The following DSCAML1 variants were observed in gnomAD, a reference collection of about 807,000 sequenced individuals.
The protein encoded by DSCAML1 is cell adhesion molecule DSCAML1.
A neutral mutation model predicts 200.5 loss-of-function variants in DSCAML1; 38 were observed. The observed-to-expected ratio is 0.19, with a 90% CI of 0.15 to 0.25. The LOEUF (loss-of-function observed/expected upper bound fraction) is 0.25, where lower values mean the gene tolerates loss of function less well. Among genes scored for constraint, DSCAML1 ranks in the 10% least tolerant of loss-of-function variants. DSCAML1 has a pLI of 1.00. For synonymous variants in DSCAML1, 1,215 were observed against 1,165.0 expected (o/e 1.04, Z -0.87); for missense variants, 2,223 against 2,858.8 (o/e 0.78, Z 5.07).
chr11:117,686,237 C>T (rs1473905937), intron 3 of DSCAML1, among the ~76,000 whole-genome samples: 1 of 152,210 alleles, frequency 6.6e-6, no homozygotes, highest in Non-Finnish European at 1.5e-5. Context: ...AGTTTAGTAA[C>T]TCCAGGGTGT....
chr11:117,714,536 G>T (rs111699592), intron 3 of DSCAML1, among the ~76,000 whole-genome samples: 1 of 152,088 alleles, frequency 6.6e-6, no homozygotes, highest in East Asian at 1.9e-4. Context: ...GTTTCCGCTG[G>T]CTGGTGCAGT....
chr11:117,618,123 T>C (rs1278874957), intron 3 of DSCAML1, among the ~76,000 whole-genome samples: 2 of 152,234 alleles, frequency 1.3e-5, no homozygotes, highest in South Asian at 2.1e-4. Context: ...TCAGAGTTAC[T>C]TGAATGAAAT....
At chr11:117,651,890 C>T (rs1018233940) in intron 3 of DSCAML1, among the ~76,000 whole-genome samples, 4 of 152,138 alleles carry the variant, frequency 2.6e-5, no homozygotes, top group African/African-American at 9.7e-5. Context: ...AGGGAAACAG[C>T]GGGGATGACA....
At chr11:117,441,999 G>A (rs544201786) in intron 21 of DSCAML1, among the ~76,000 whole-genome samples, 1 of 149,818 alleles carries the variant, frequency 6.7e-6, no homozygotes, top group African/African-American at 2.5e-5. Flanking sequence ...TGTATGTGTG[G>A]GTGTGTATGT....
intron 3 of DSCAML1, among the ~76,000 whole-genome samples, chr11:117,715,888 G>A (rs868127900): frequency 4.6e-5 from 7 of 152,184 alleles, no homozygotes; most frequent in African/African-American, 1.7e-4. Context: ...TCCGTCCTCA[G>A]ATACCAATTC....
chr11:117,720,897 C>T (rs958733112), intron 3 of DSCAML1, among the ~76,000 whole-genome samples: 3 of 152,228 alleles, frequency 2.0e-5, no homozygotes, highest in Non-Finnish European at 2.9e-5. Context: ...CCTGAGGTTA[C>T]GCTGAGTCCT....
intron 8 of DSCAML1, among the ~76,000 whole-genome samples, chr11:117,512,940 T>C (rs1285437270): frequency 6.6e-6 from 1 of 152,012 alleles, no homozygotes; most frequent in African/African-American, 2.4e-5. Flanking sequence ...ACTCCCTGAA[T>C]GGGGCTGAAT....
chr11:117,560,177 A>T (rs1341314043), intron 3 of DSCAML1, among the ~76,000 whole-genome samples: 5 of 152,098 alleles, frequency 3.3e-5, no homozygotes, highest in Non-Finnish European at 7.4e-5. Flanking sequence ...TTTATTAGTG[A>T]TGGTGATGAT....
intron 15 of DSCAML1, among the ~76,000 whole-genome samples, chr11:117,471,211 G>A (rs2048678903): frequency 6.7e-6 from 1 of 149,318 alleles, no homozygotes. Flanking sequence ...TTCCTCTGTC[G>A]CCCAGGCTGG....
chr11:117,515,251 C>T (rs1263806027), intron 8 of DSCAML1, among the ~76,000 whole-genome samples: 1 of 152,218 alleles, frequency 6.6e-6, no homozygotes, highest in East Asian at 1.9e-4. Context: ...TCAGCCATCA[C>T]AGCCGTGGCT....
At chr11:117,467,025 A>G (rs935721096) in intron 16 of DSCAML1, among the ~76,000 whole-genome samples, 4 of 152,166 alleles carry the variant, frequency 2.6e-5, no homozygotes, top group Non-Finnish European at 5.9e-5. Flanking sequence ...AGAGATGGCA[A>G]GGACTTGGAG....
chr11:117,777,535 G>A (rs1406945098), intron 2 of DSCAML1, among the ~76,000 whole-genome samples: 4 of 152,190 alleles, frequency 2.6e-5, no homozygotes, highest in Non-Finnish European at 5.9e-5. Flanking sequence ...AAGGACAAAG[G>A]GAGAGAATGT....
At chr11:117,609,035 C>A (rs11216469) in intron 3 of DSCAML1, among the ~76,000 whole-genome samples, 38,435 of 108,948 alleles carry the variant, frequency 0.35, 5,670 homozygotes, top group East Asian at 0.46. Flanking sequence ...AACAAACAAA[C>A]AAAAAAAACA....
intron 3 of DSCAML1, among the ~76,000 whole-genome samples, chr11:117,593,861 G>A (rs903695963): frequency 2.7e-4 from 41 of 151,972 alleles, no homozygotes; most frequent in African/African-American, 8.4e-4. Context: ...ACAGGCGCCC[G>A]CCACCACACC....
intron 1 of DSCAML1, among the ~76,000 whole-genome samples, chr11:117,792,950 C>G (rs2055499946): frequency 6.6e-6 from 1 of 152,192 alleles, no homozygotes; most frequent in Admixed American, 6.5e-5. Context: ...GAAGCCAGTG[C>G]TGAGCACTGG....
chr11:117,687,811 T>C (rs1751515973), intron 3 of DSCAML1, among the ~76,000 whole-genome samples: 1 of 152,194 alleles, frequency 6.6e-6, no homozygotes, highest in South Asian at 2.1e-4. Flanking sequence ...GCTTAATAGA[T>C]GGCACATGTC....
intron 19 of DSCAML1, among the ~76,000 whole-genome samples, chr11:117,453,746 C>CTTTTTTTT (rs138176049): frequency 3.6e-5 from 5 of 138,166 alleles, no homozygotes; most frequent in Admixed American, 1.5e-4. Context: ...TTCTTTCTTT[C>CTTTTTTTT]TTTTTTTTTT....
At chr11:117,465,740 TATTG>T (rs2137162125) in intron 16 of DSCAML1, among the ~76,000 whole-genome samples, 1 of 125,864 alleles carries the variant, frequency 7.9e-6, no homozygotes, top group African/African-American at 3.1e-5. Context: ...CCTCAATACA[TATTG>T]AATGAATGAA....
chr11:117,620,975 A>G (rs1463111177), intron 3 of DSCAML1, among the ~76,000 whole-genome samples: 2 of 152,250 alleles, frequency 1.3e-5, no homozygotes, highest in Non-Finnish European at 2.9e-5. Context: ...TTAATACACG[A>G]CAGTTCACTT....
Sources: gnomAD v4.1 joint callset for allele counts (sites outside exome capture counted in the v4.1 genomes callset) on GRCh38, gnomAD v4.1.1 for gene constraint, MANE v1.5 for transcripts, NCBI Gene and HGNC (gene_info 2026-07-23, HGNC 2026-07-21) for gene names.